The following TRERF1 variants were observed in gnomAD, a reference collection of about 807,000 sequenced individuals.
TRERF1 encodes transcriptional regulating factor 1.
Under a neutral mutation model 122.9 loss-of-function variants are expected in TRERF1, and 27 were observed. That is an observed-to-expected ratio of 0.22 (90% CI 0.16 to 0.30). The LOEUF is 0.30. Ranked by LOEUF, TRERF1 falls within the 10% of genes least tolerant of loss-of-function variation. TRERF1 has a pLI of 1.00. For missense variants in TRERF1, 1,248 were observed against 1,560.3 expected (o/e 0.80, Z 3.37); for synonymous variants, 636 against 641.7 (o/e 0.99, Z 0.13).
At chr6:42,326,739 A>T (rs1402855372) in intron 3 of TRERF1, among the ~76,000 whole-genome samples, 2 of 152,254 alleles carry the variant, frequency 1.3e-5, no homozygotes, top group Non-Finnish European at 2.9e-5. Context: ...GGCAAAAATG[A>T]TAGAAAGCAA....
chr6:42,301,969 G>A (rs556237614), intron 3 of TRERF1, among the ~76,000 whole-genome samples: 4 of 152,188 alleles, frequency 2.6e-5, no homozygotes, highest in Non-Finnish European at 5.9e-5. Context: ...GGAAAGTGTG[G>A]CTCCATGCTG....
intron 2 of TRERF1, among the ~76,000 whole-genome samples, chr6:42,384,798 T>G (rs2151181336): frequency 6.6e-6 from 1 of 152,162 alleles, no homozygotes; most frequent in Non-Finnish European, 1.5e-5. Flanking sequence ...ATTTGTTCAT[T>G]TTGTCTTTTG....
At chr6:42,250,560 C>G (rs1775562691) in intron 13 of TRERF1, among the ~76,000 whole-genome samples, 2 of 152,058 alleles carry the variant, frequency 1.3e-5, no homozygotes, top group South Asian at 4.1e-4. Flanking sequence ...GGTGTTGCCT[C>G]AAATCCTCCC....
rs145075738 is a variant in TRERF1 at position 42,250,647 on chromosome 6, G to A, written c.2657-4103C>T. The stretch of plus-strand genomic sequence containing the variant: ...CCCACTCAGCATGCACACAGGGTTC[G>A]TGGGTTGAGAGTCCCCCCACACTCA... On this transcript the variant is annotated intron_variant, in intron 13 of 17. Coordinates refer to ENST00000372922, the Ensembl canonical transcript of TRERF1. Among the ~76,000 whole-genome samples, 62 of 152,148 alleles carry A rather than the reference G, an allele frequency of 4.1e-4. No homozygotes were observed. The East Asian group carries it at 7.9e-3, about 19-fold the overall frequency.
At position 42,299,139 on chromosome 6, in the gene TRERF1, T is replaced by TCTATCTATCTATCTATCTATCTAC. The variant is rs1561939031; in HGVS notation, c.-259+1498_-259+1499insGTAGATAGATAGATAGATAGATAG. Among the ~76,000 whole-genome samples, 76 of 114,104 alleles carry TCTATCTATCTATCTATCTATCTAC rather than the reference T, an allele frequency of 6.7e-4. 6 individuals carry two copies. Among genetic ancestry groups the TCTATCTATCTATCTATCTATCTAC allele is most frequent in the African/African-American group, 2.4e-3 (61 of 25,200 alleles). 74.9% of individuals were successfully genotyped at this position (114,104 alleles called of 152,430 possible). A position where few individuals can be genotyped will look rare whatever the true frequency, so the allele number is the denominator to read the frequency against. On this transcript the variant is annotated intron_variant, in intron 4 of 17. Transcript: ENST00000372922. ...GTCTCTATCTATCTATCTATCTACATATATATATATATCTAGCTAGCTGGA... is the reference window on the plus strand; with the variant it reads ...GTCTCTATCTATCTATCTATCTACATCTATCTATCTATCTATCTATCTACATATATATATATCTAGCTAGCTGGA...
chr6:42,227,815 C>T (rs751040897), exon 18 of TRERF1: 1 of 152,296 alleles, frequency 6.6e-6, no homozygotes, highest in Non-Finnish European at 1.5e-5. Context: ...CCGTGTAACA[C>T]GAGGGCTTGC....
At chr6:42,337,550 T>A (rs1237960834) in intron 3 of TRERF1, among the ~76,000 whole-genome samples, 1 of 152,016 alleles carries the variant, frequency 6.6e-6, no homozygotes, top group South Asian at 2.1e-4. Context: ...CAAACCACTA[T>A]CCGGAGGCAA....
At chr6:42,374,789 C>T (rs150226633) in intron 2 of TRERF1, among the ~76,000 whole-genome samples, 6 of 152,118 alleles carry the variant, frequency 3.9e-5, no homozygotes, top group African/African-American at 1.4e-4. Flanking sequence ...GGGTGGATTG[C>T]CTGAGCTAAG....
chr6:42,294,329 C>T (rs1784753546), intron 4 of TRERF1, among the ~76,000 whole-genome samples: 1 of 152,058 alleles, frequency 6.6e-6, no homozygotes, highest in African/African-American at 2.4e-5. Context: ...CAGGCGTGCG[C>T]CACCACGCCC....
intron 2 of TRERF1, among the ~76,000 whole-genome samples, chr6:42,408,245 ATATACATACACATG>A (rs1780520855): frequency 4.5e-5 from 4 of 89,228 alleles, no homozygotes; most frequent in African/African-American, 2.1e-4. Context: ...GTGTATGTAT[ATATACATACACATG>A]TGTGTGTATG....
chr6:42,233,341 G>A (rs989737504), intron 16 of TRERF1, among the ~76,000 whole-genome samples: 5 of 146,150 alleles, frequency 3.4e-5, no homozygotes, highest in South Asian at 2.2e-4. Flanking sequence ...GCTGGAGTGT[G>A]GTGGTGCGGT....
intron 4 of TRERF1, among the ~76,000 whole-genome samples, chr6:42,284,788 G>A (rs1782893200): frequency 6.6e-6 from 1 of 152,070 alleles, no homozygotes; most frequent in Non-Finnish European, 1.5e-5. Context: ...AACATGAGGA[G>A]CATGCTAGAT....
intron 2 of TRERF1, among the ~76,000 whole-genome samples, chr6:42,434,775 G>A (rs757235839): frequency 4.6e-5 from 7 of 151,430 alleles, no homozygotes; most frequent in South Asian, 2.1e-4. Context: ...TTATATGGAA[G>A]GAAATGAAGA....
rs565402503 is a variant in TRERF1 at position 42,274,234 on chromosome 6, C to A, written c.-258-4386G>T. 2.2e-4 allele frequency among the ~76,000 whole-genome samples: 33 copies of A among 152,190 alleles called. No individual in the cohort carries two copies. The South Asian group carries it at 3.7e-3, about 17-fold the overall frequency. On this transcript the variant is annotated intron_variant, in intron 4 of 17. Coordinates refer to ENST00000372922, the Ensembl canonical transcript of TRERF1. ...TTTTAATGAGCCCTCTTGGTGAGTC[C>A]GATGCACGCTTAAGTTGAAGATCTC...
At chr6:42,441,951 A>G (rs1786599580) in intron 2 of TRERF1, among the ~76,000 whole-genome samples, 1 of 152,172 alleles carries the variant, frequency 6.6e-6, no homozygotes, top group Non-Finnish European at 1.5e-5. Context: ...GAAAGACTTA[A>G]GGAATGAGCG....
At chr6:42,319,307 C>T (rs779682038) in intron 3 of TRERF1, among the ~76,000 whole-genome samples, 5 of 152,244 alleles carry the variant, frequency 3.3e-5, no homozygotes, top group Non-Finnish European at 7.3e-5. Context: ...ATACTGCCCC[C>T]ATTAAAGATG....
chr6:42,440,460 T>C (rs191891345), intron 2 of TRERF1, among the ~76,000 whole-genome samples: 25 of 152,226 alleles, frequency 1.6e-4, no homozygotes, highest in Non-Finnish European at 2.8e-4. Flanking sequence ...CCTACAATTG[T>C]AGGAGAATGA....
intron 3 of TRERF1, among the ~76,000 whole-genome samples, chr6:42,324,606 A>G (rs1423881100): frequency 1.3e-5 from 2 of 152,242 alleles, no homozygotes; most frequent in African/African-American, 4.8e-5. Flanking sequence ...CCACACACCT[A>G]CAACCAACTG....
chr6:42,420,235 C>A (rs1283608640), intron 2 of TRERF1, among the ~76,000 whole-genome samples: 1 of 152,198 alleles, frequency 6.6e-6, no homozygotes, highest in Non-Finnish European at 1.5e-5. Context: ...CAGATCCTTT[C>A]CAGCTTTAAG....
Sources: allele counts gnomAD v4.1 joint callset (sites outside exome capture counted in the v4.1 genomes callset), GRCh38; gene constraint gnomAD v4.1.1; transcripts MANE v1.5; gene names NCBI Gene and HGNC (gene_info 2026-07-23, HGNC 2026-07-21).